TMEM232: variants seen among roughly 807,000 people sequenced by gnomAD.
The protein encoded by TMEM232 is transmembrane protein 232.
A neutral mutation model predicts 78.8 loss-of-function variants in TMEM232; 80 were observed. The observed-to-expected ratio is 1.01, with a 90% CI of 0.85 to 1.22. The LOEUF (loss-of-function observed/expected upper bound fraction) is 1.22, where lower values mean the gene tolerates loss of function less well. Among genes scored for constraint, TMEM232 ranks in the 50% most tolerant of loss-of-function variants. TMEM232 has a pLI of 0.00. For missense variants in TMEM232, 881 were observed against 742.2 expected, an observed-to-expected ratio of 1.19 and a Z score of -2.17; for synonymous variants, 297 against 254.3, an observed-to-expected ratio of 1.17 and a Z score of -1.60.
At chr5:110,620,924 G>T (rs769447989) in intron 7 of TMEM232, among the ~76,000 whole-genome samples, 2 of 142,192 alleles carry the variant, frequency 1.4e-5, no homozygotes, top group Non-Finnish European at 3.0e-5. Flanking sequence ...GTGTGATGGC[G>T]TGATCTTGGC....
intron 4 of TMEM232, chr5:110,388,076 G>A (rs1755049551): frequency 1.3e-5 from 2 of 152,130 alleles, no homozygotes; most frequent in South Asian, 2.1e-4. Context: ...GGAGAGAGGA[G>A]AGCAGCTCTC....
At chr5:110,644,809 AGCTGTTTT>A (rs1787250254) in intron 2 of TMEM232, among the ~76,000 whole-genome samples, 1 of 151,840 alleles carries the variant, frequency 6.6e-6, no homozygotes, top group Non-Finnish European at 1.5e-5. Flanking sequence ...CAAAACTAAG[AGCTGTTTT>A]CTTGAAAAAA....
In TMEM232 at chr5:110,405,300, C is replaced by T. The variant is rs139860039; in HGVS notation, n.309-7446G>A. Among the ~76,000 whole-genome samples, 239 of 152,066 alleles carry T rather than the reference C, an allele frequency of 1.6e-3. 1 individual carries two copies. The highest frequency in any genetic ancestry group is 5.6e-3 in the African/African-American group (234 of 41,502). ...CTTAACTTTCAAACAGGGGCAGTGG[C>T]TTGCATTCACTGTCAAAGAACCAAA... is the stretch of plus-strand genomic sequence containing the variant. On this transcript the variant is annotated intron_variant and non_coding_transcript_variant, in intron 2 of 8. Transcript: ENST00000507188.
intron 11 of TMEM232, among the ~76,000 whole-genome samples, chr5:110,555,268 C>T (rs1774940310): frequency 6.6e-6 from 1 of 152,048 alleles, no homozygotes; most frequent in South Asian, 2.1e-4. Flanking sequence ...TTTCATTGTT[C>T]ACCCAAAAAT....
chr5:110,433,544 T>C (rs1325225140), intron 12 of TMEM232, among the ~76,000 whole-genome samples: 2 of 151,794 alleles, frequency 1.3e-5, no homozygotes, highest in African/African-American at 2.4e-5. Flanking sequence ...CCTAACCTCA[T>C]ACCTATAAGA....
At chr5:110,682,754 A>G (rs1792909205) in intron 1 of TMEM232, among the ~76,000 whole-genome samples, 2 of 152,148 alleles carry the variant, frequency 1.3e-5, no homozygotes, top group South Asian at 4.1e-4. Flanking sequence ...TGACAAGAAT[A>G]TCCCAGTAGA....
At chr5:110,442,662 T>C (rs903857343) in intron 12 of TMEM232, among the ~76,000 whole-genome samples, 3 of 152,098 alleles carry the variant, frequency 2.0e-5, no homozygotes, top group Admixed American at 1.3e-4. Flanking sequence ...CACAGTTTCC[T>C]GGATGGTCTT....
intron 5 of TMEM232, among the ~76,000 whole-genome samples, chr5:110,628,230 GA>G (rs200105600): frequency 6.6e-6 from 1 of 151,922 alleles, no homozygotes; most frequent in Non-Finnish European, 1.5e-5. Flanking sequence ...TAAAAGAGAA[GA>G]AAAAATATAT....
intron 12 of TMEM232, among the ~76,000 whole-genome samples, chr5:110,445,433 T>C (rs1422394737): frequency 6.6e-6 from 1 of 152,142 alleles, no homozygotes; most frequent in Non-Finnish European, 1.5e-5. Context: ...TCATGCTCTT[T>C]TTCTCAGTTA....
At chr5:110,566,598 C>G (rs1052711557) in intron 11 of TMEM232, among the ~76,000 whole-genome samples, 4 of 151,940 alleles carry the variant, frequency 2.6e-5, no homozygotes, top group Admixed American at 6.6e-5. Context: ...CAGTTCCCAA[C>G]AAGTTCCTCA....
At chr5:110,501,858 T>C (rs577915381) in intron 12 of TMEM232, among the ~76,000 whole-genome samples, 1 of 152,204 alleles carries the variant, frequency 6.6e-6, no homozygotes, top group East Asian at 1.9e-4. Context: ...GGGAAAGAGC[T>C]CTCCCATGAT....
intron 2 of TMEM232, among the ~76,000 whole-genome samples, chr5:110,733,829 C>T (rs1798919494): frequency 6.6e-6 from 1 of 152,084 alleles, no homozygotes; most frequent in African/African-American, 2.4e-5. Context: ...ACCCTTGAAC[C>T]TAAAATAAAC....
At position 110,388,694 on chromosome 5, in the gene TMEM232, G is replaced by A. The variant is rs140723270; in HGVS notation, n.616-641C>T. 3.3e-3 allele frequency among the ~76,000 whole-genome samples: 497 copies of A among 152,250 alleles called. 2 individuals are homozygous for A. The highest frequency in any genetic ancestry group is 0.012 in the African/African-American group (479 of 41,542). On this transcript the variant is annotated intron_variant and non_coding_transcript_variant, in intron 4 of 8. Transcript: ENST00000507188. ...CCTGGCCCTAATCCCATAGAAGGGGGATCTCATACAAAAGGGTTGAAGGCC... is the reference window on the plus strand; with the variant it reads ...CCTGGCCCTAATCCCATAGAAGGGGAATCTCATACAAAAGGGTTGAAGGCC...
At chr5:110,558,741 C>G (rs1028500591) in intron 11 of TMEM232, among the ~76,000 whole-genome samples, 1 of 152,184 alleles carries the variant, frequency 6.6e-6, no homozygotes, top group African/African-American at 2.4e-5. Flanking sequence ...CATTCCCACA[C>G]CAAATCCACT....
chr5:110,738,188 G>C, upstream of TMEM232: 1 of 1,275,886 alleles, frequency 7.8e-7, no homozygotes, highest in Non-Finnish European at 1.0e-6. Flanking sequence ...AACCATGGAA[G>C]TCTTCCTCAG....
intron 10 of TMEM232, among the ~76,000 whole-genome samples, chr5:110,593,515 G>T (rs1779782142): frequency 6.6e-6 from 1 of 152,080 alleles, no homozygotes; most frequent in Non-Finnish European, 1.5e-5. Context: ...TCTGTCTTCT[G>T]CAACCACATA....
intron 10 of TMEM232, among the ~76,000 whole-genome samples, chr5:110,602,269 T>C (rs1295010727): frequency 6.6e-6 from 1 of 152,014 alleles, no homozygotes; most frequent in Middle Eastern, 3.2e-3. Context: ...CCGAAAGCAA[T>C]GGCAACAAAA....
At chr5:110,429,402 T>C (rs1351827954) in intron 12 of TMEM232, among the ~76,000 whole-genome samples, 2 of 151,804 alleles carry the variant, frequency 1.3e-5, no homozygotes, top group Non-Finnish European at 2.9e-5. Flanking sequence ...GGGGATAATA[T>C]ATTTCTTTAT....
chr5:110,490,192 A>AGAAAGAAAGAAAGAAG (rs879275196), intron 12 of TMEM232, among the ~76,000 whole-genome samples: 2 of 150,618 alleles, frequency 1.3e-5, no homozygotes, highest in Admixed American at 6.6e-5. Flanking sequence ...AAAGAAAGAA[A>AGAAAGAAAGAAAGAAG]AAGTTAATTG....
Sources: gnomAD v4.1 joint callset for allele counts (sites outside exome capture counted in the v4.1 genomes callset) on GRCh38, gnomAD v4.1.1 for gene constraint, MANE v1.5 for transcripts, NCBI Gene and HGNC (gene_info 2026-07-23, HGNC 2026-07-21) for gene names.